The following HYAL4 variants were observed in gnomAD, a reference collection of about 807,000 sequenced individuals.
HYAL4 encodes hyaluronidase-4.
In HYAL4, 37 loss-of-function variants were observed where a neutral mutation model predicts 35.2. That is an observed-to-expected ratio of 1.05 (90% CI 0.81 to 1.38). The LOEUF (loss-of-function observed/expected upper bound fraction) is 1.38, where lower values mean the gene tolerates loss of function less well. Among genes scored for constraint, HYAL4 ranks in the 40% most tolerant of loss-of-function variants. HYAL4 has a pLI of 0.00. For synonymous variants in HYAL4, 198 were observed against 203.2 expected (o/e 0.97, Z 0.22); for missense variants, 572 against 572.4 (o/e 1.00, Z 0.01).
chr7:123,818,833 T>C, the HYAL4 span, among the ~76,000 whole-genome samples: 1 of 152,248 alleles, frequency 6.6e-6, no homozygotes, highest in Non-Finnish European at 1.5e-5. Context: ...TACAATTGTA[T>C]GTATTTATCA....
At position 123,849,286 on chromosome 7, in the gene HYAL4, CCTCTCT is replaced by C. The variant is rs554512342; in HGVS notation, c.-52+1137_-52+1142del. 2.7e-5 allele frequency among the ~76,000 whole-genome samples: 4 copies of C among 146,394 alleles called. No homozygotes were observed. The East Asian group carries it at 8.1e-4, about 30-fold the overall frequency. The stretch of plus-strand genomic sequence containing the variant: ...TACAGTCTCTCTCTCTCTCTCTCTC[CCTCTCT>C]CTCTCTCTTTCTCTTTCTCTCTCTC... On this transcript the variant is annotated intron_variant, in intron 2 of 4. Transcript: ENST00000223026.
At chr7:123,844,126 T>G (rs2116919258), upstream of HYAL4, 1 of 152,214 alleles carries the variant, frequency 6.6e-6, no homozygotes, top group Admixed American at 6.5e-5. Context: ...TCTCCCCATC[T>G]TTGTGGTTAT....
chr7:123,838,798 A>G (rs1223721194), intron 1 of HYAL4, among the ~76,000 whole-genome samples: 2 of 152,076 alleles, frequency 1.3e-5, no homozygotes, highest in African/African-American at 2.4e-5. Flanking sequence ...GTCGTTTAAC[A>G]TAGTCTCAAA....
chr7:123,789,137 T>G, the HYAL4 span, among the ~76,000 whole-genome samples: 1 of 152,226 alleles, frequency 6.6e-6, no homozygotes, highest in Non-Finnish European at 1.5e-5. Flanking sequence ...TGGGCTCTGA[T>G]AAAAGCTATG....
chr7:123,804,597 T>C, the HYAL4 span, among the ~76,000 whole-genome samples: 6 of 151,566 alleles, frequency 4.0e-5, no homozygotes, highest in Non-Finnish European at 7.4e-5. Flanking sequence ...AGGACGTATA[T>C]GTTTCCTTCC....
At chr7:123,835,998 A>G (rs1735608910) in intron 1 of HYAL4, among the ~76,000 whole-genome samples, 1 of 152,176 alleles carries the variant, frequency 6.6e-6, no homozygotes, top group Non-Finnish European at 1.5e-5. Context: ...GGCCTATCAT[A>G]TGGTCTATAT....
At chr7:123,786,610 A>G in the HYAL4 span, among the ~76,000 whole-genome samples, 1 of 152,168 alleles carries the variant, frequency 6.6e-6, no homozygotes, top group Non-Finnish European at 1.5e-5. Context: ...TAAAGTAATC[A>G]AACAAGTTTT....
the HYAL4 span, among the ~76,000 whole-genome samples, chr7:123,811,527 T>C: frequency 6.6e-6 from 1 of 151,904 alleles, no homozygotes; most frequent in Admixed American, 6.5e-5. Flanking sequence ...TTAAATCTGT[T>C]GTTCATTTTC....
the HYAL4 span, among the ~76,000 whole-genome samples, chr7:123,798,424 A>C: frequency 0.016 from 2,368 of 152,320 alleles, 73 homozygotes; most frequent in African/African-American, 0.054. Flanking sequence ...CAATGATCTT[A>C]GAACCATAAT....
At chr7:123,829,444 C>A (rs1191264868) in intron 1 of HYAL4, among the ~76,000 whole-genome samples, 1 of 151,910 alleles carries the variant, frequency 6.6e-6, no homozygotes, top group Admixed American at 6.6e-5. Context: ...TCAAGCCTCT[C>A]CCAAAATATG....
intron 2 of HYAL4, among the ~76,000 whole-genome samples, chr7:123,861,398 G>A (rs1051679759): frequency 6.6e-6 from 1 of 152,120 alleles, no homozygotes; most frequent in African/African-American, 2.4e-5. Context: ...GTTATCTTAA[G>A]GAACTTAGTT....
chr7:123,840,963 A>T (rs529497762), upstream of HYAL4, among the ~76,000 whole-genome samples: 1 of 152,042 alleles, frequency 6.6e-6, no homozygotes, highest in South Asian at 2.1e-4. Context: ...TCATTTCCTA[A>T]TTGAATATCC....
chr7:123,859,646 A>G (rs909117245), intron 2 of HYAL4, among the ~76,000 whole-genome samples: 3 of 152,200 alleles, frequency 2.0e-5, no homozygotes, highest in Non-Finnish European at 2.9e-5. Context: ...AAATAAAATT[A>G]TAAAAATGAT....
chr7:123,807,721 G>A, the HYAL4 span, among the ~76,000 whole-genome samples: 1 of 149,766 alleles, frequency 6.7e-6, no homozygotes, highest in Non-Finnish European at 1.5e-5. Context: ...GCCTCTCAAG[G>A]TGCCTGGCCT....
chr7:123,790,917 A>G, the HYAL4 span, among the ~76,000 whole-genome samples: 2 of 151,680 alleles, frequency 1.3e-5, no homozygotes, highest in African/African-American at 4.9e-5. Flanking sequence ...GGCACCCACC[A>G]CCACACTCGG....
intron 3 of HYAL4, among the ~76,000 whole-genome samples, chr7:123,870,486 G>A (rs1015457591): frequency 3.3e-5 from 5 of 152,090 alleles, no homozygotes; most frequent in Admixed American, 1.3e-4. Context: ...TATCTAGGCC[G>A]GGTGCAGTGG....
At chr7:123,851,226 T>C (rs750219343) in intron 2 of HYAL4, among the ~76,000 whole-genome samples, 34 of 152,190 alleles carry the variant, frequency 2.2e-4, no homozygotes, top group Non-Finnish European at 4.1e-4. Flanking sequence ...AGTTAAATAT[T>C]ACATTTGATG....
chr7:123,833,556 T>G (rs1251146612), intron 1 of HYAL4, among the ~76,000 whole-genome samples: 1 of 152,216 alleles, frequency 6.6e-6, no homozygotes, highest in African/African-American at 2.4e-5. Context: ...GACTGTTCCT[T>G]TTGCCATGCA....
chr7:123,802,199 G>A, the HYAL4 span, among the ~76,000 whole-genome samples: 1 of 152,070 alleles, frequency 6.6e-6, no homozygotes, highest in Non-Finnish European at 1.5e-5. Context: ...ATATAAAAAG[G>A]TTATTTTTTT....
Sources: allele counts gnomAD v4.1 joint callset (sites outside exome capture counted in the v4.1 genomes callset), GRCh38; gene constraint gnomAD v4.1.1; transcripts MANE v1.5; gene names NCBI Gene and HGNC (gene_info 2026-07-23, HGNC 2026-07-21).